Variants in FHL2 observed in about 807,000 individuals in gnomAD.
The protein encoded by FHL2 is four and a half LIM domains 2.
Under a neutral mutation model 32.7 loss-of-function variants are expected in FHL2, and 20 were observed. That is an observed-to-expected ratio of 0.61 (90% CI 0.43 to 0.89). The LOEUF (loss-of-function observed/expected upper bound fraction) is 0.89, where lower values mean the gene tolerates loss of function less well. FHL2 is among the 40% of genes least tolerant of loss of function. The pLI, the probability that FHL2 is intolerant of heterozygous loss-of-function variation, is 0.00. For synonymous variants in FHL2, 123 were observed against 128.1 expected, an observed-to-expected ratio of 0.96 and a Z score of 0.27; for missense variants, 311 against 358.6, an observed-to-expected ratio of 0.87 and a Z score of 1.07.
intron 1 of FHL2, among the ~76,000 whole-genome samples, chr2:105,429,558 G>A (rs1028964471): frequency 6.6e-6 from 1 of 152,178 alleles, no homozygotes; most frequent in African/African-American, 2.4e-5. Flanking sequence ...AGCTGGAAAA[G>A]GTGGGGAAAC....
chr2:105,399,162 G>A, upstream of FHL2: 1 of 1,358,806 alleles, frequency 7.4e-7, no homozygotes. Flanking sequence ...GGGGGCGGGC[G>A]CCCCCAGGCC....
chr2:105,432,568 T>C (rs1413626644), intron 1 of FHL2, among the ~76,000 whole-genome samples: 3 of 152,244 alleles, frequency 2.0e-5, no homozygotes, highest in East Asian at 1.9e-4. Flanking sequence ...CTGAAGAAAA[T>C]TGGACGCTTT....
chr2:105,423,036 G>A (rs1004414034), intron 1 of FHL2, among the ~76,000 whole-genome samples: 1 of 152,172 alleles, frequency 6.6e-6, no homozygotes, highest in African/African-American at 2.4e-5. Flanking sequence ...AAAGCAAGCT[G>A]AGGATGCTTG....
intron 2 of FHL2, among the ~76,000 whole-genome samples, chr2:105,389,486 T>A (rs1682562045): frequency 6.6e-6 from 1 of 152,092 alleles, no homozygotes; most frequent in African/African-American, 2.4e-5. Flanking sequence ...CCCACAAACA[T>A]AAGAATAATA....
At chr2:105,410,211 G>A (rs984510661) in intron 1 of FHL2, among the ~76,000 whole-genome samples, 2 of 152,218 alleles carry the variant, frequency 1.3e-5, no homozygotes, top group Non-Finnish European at 2.9e-5. Context: ...GGAATCAGGC[G>A]GAGGCCGGAG....
intron 1 of FHL2, among the ~76,000 whole-genome samples, chr2:105,426,443 A>C (rs1356294489): frequency 6.6e-6 from 1 of 152,236 alleles, no homozygotes; most frequent in African/African-American, 2.4e-5. Flanking sequence ...AGCATGGTCT[A>C]TCAAAATACC....
At chr2:105,433,177 TTCTTC>T (rs201573088) in intron 1 of FHL2, among the ~76,000 whole-genome samples, 125 of 150,280 alleles carry the variant, frequency 8.3e-4, no homozygotes, top group African/African-American at 2.2e-3. Flanking sequence ...ATTCTTCTTC[TTCTTC>T]TTTTTTTTTT....
intron 1 of FHL2, among the ~76,000 whole-genome samples, chr2:105,435,710 T>C (rs1035254225): frequency 1.3e-5 from 2 of 152,088 alleles, no homozygotes; most frequent in Non-Finnish European, 2.9e-5. Flanking sequence ...TAATCCCAGC[T>C]ACTCGGGAGG....
At chr2:105,429,862 T>C (rs1684375683) in intron 1 of FHL2, among the ~76,000 whole-genome samples, 1 of 152,192 alleles carries the variant, frequency 6.6e-6, no homozygotes, top group Non-Finnish European at 1.5e-5. Context: ...GTCAAGAGTA[T>C]GGGGTACTTT....
chr2:105,398,461 C>T (rs1683291848), intron 1 of FHL2, among the ~76,000 whole-genome samples: 2 of 152,240 alleles, frequency 1.3e-5, no homozygotes, highest in African/African-American at 4.8e-5. Flanking sequence ...GGACAGCCCG[C>T]TCGGGAGTCG....
intron 1 of FHL2, among the ~76,000 whole-genome samples, chr2:105,430,496 G>A (rs188551892): frequency 2.6e-5 from 4 of 152,240 alleles, no homozygotes; most frequent in Non-Finnish European, 5.9e-5. Flanking sequence ...GTGTAACCTC[G>A]TCTCTACTAA....
At chr2:105,374,064 A>G (rs1681291760) in intron 3 of FHL2, 14 of 344,708 alleles carry the variant, frequency 4.1e-5, no homozygotes, top group South Asian at 3.0e-4. Flanking sequence ...ACACCTATCA[A>G]TTCGTCTCAC....
chr2:105,365,050 T>C (rs554489009), intron 5 of FHL2, among the ~76,000 whole-genome samples: 1 of 152,316 alleles, frequency 6.6e-6, no homozygotes, highest in South Asian at 2.1e-4. Flanking sequence ...CTGCAACATG[T>C]GTCCTCAGTC....
At chr2:105,399,481 G>A (rs780305511), upstream of FHL2, 2 of 1,536,060 alleles carry the variant, frequency 1.3e-6, no homozygotes, top group African/African-American at 2.7e-5. Context: ...ATATTTGCAA[G>A]GTGGACGTTT....
At chr2:105,372,429 G>A (rs1042756175) in intron 4 of FHL2, among the ~76,000 whole-genome samples, 3 of 152,084 alleles carry the variant, frequency 2.0e-5, no homozygotes, top group Admixed American at 2.0e-4. Flanking sequence ...GTTTTACCAT[G>A]TTAGCCTGGC....
intron 1 of FHL2, 37 bp downstream of exon 1, chr2:105,398,805 T>A (rs778122470): frequency 7.2e-6 from 10 of 1,382,402 alleles, no homozygotes; most frequent in South Asian, 3.7e-5. Context: ...CCTCTCCCAG[T>A]GGTCTTCCCG....
At chr2:105,430,168 CTG>C (rs1247301383) in intron 1 of FHL2, among the ~76,000 whole-genome samples, 1 of 152,222 alleles carries the variant, frequency 6.6e-6, no homozygotes, top group Non-Finnish European at 1.5e-5. Context: ...AACAAGAACA[CTG>C]TGACCAGTGA....
chr2:105,399,373 G>T, upstream of FHL2: 1 of 1,536,030 alleles, frequency 6.5e-7, no homozygotes, highest in Non-Finnish European at 8.7e-7. Context: ...CGGGATCTCT[G>T]CCTGGTCCCA....
At chr2:105,370,581 G>T (rs938334532) in intron 4 of FHL2, among the ~76,000 whole-genome samples, 2 of 152,138 alleles carry the variant, frequency 1.3e-5, no homozygotes, top group African/African-American at 4.8e-5. Context: ...TGTGTGGGGG[G>T]TGTGGAGCTG....
Sources: allele counts gnomAD v4.1 joint callset (sites outside exome capture counted in the v4.1 genomes callset), GRCh38; gene constraint gnomAD v4.1.1; transcripts MANE v1.5; gene names NCBI Gene and HGNC (gene_info 2026-07-23, HGNC 2026-07-21).